FA2H: variants seen among roughly 807,000 people sequenced by gnomAD.
FA2H encodes the protein fatty acid 2-hydroxylase.
A neutral mutation model predicts 44.9 loss-of-function variants in FA2H; 22 were observed. That is an observed-to-expected ratio of 0.49 (90% CI 0.35 to 0.70). The LOEUF (loss-of-function observed/expected upper bound fraction) is 0.70, where lower values mean the gene tolerates loss of function less well. Ranked by LOEUF, FA2H falls within the 30% of genes least tolerant of loss-of-function variation. The pLI, the probability that FA2H is intolerant of heterozygous loss-of-function variation, is 0.01. For missense variants in FA2H, 501 were observed against 504.9 expected, an observed-to-expected ratio of 0.99 and a Z score of 0.07; for synonymous variants, 243 against 213.2, an observed-to-expected ratio of 1.14 and a Z score of -1.22.
intron 1 of FA2H, among the ~76,000 whole-genome samples, chr16:74,741,798 A>ATG (rs1567643120): frequency 2.5e-5 from 2 of 80,040 alleles, no homozygotes; most frequent in African/African-American, 1.1e-4. Context: ...ATATATATAT[A>ATG]TATATATATA....
In FA2H at chr16:74,740,134, A is replaced by G. The variant is rs752220888; in HGVS notation, c.271-19T>C. On this transcript the variant is annotated intron_variant, in intron 1 of 6. Coordinates refer to ENST00000219368, the MANE Select transcript of FA2H (RefSeq NM_024306.5). ...TGGAGCCCTGGAAGGAGAAGATACA[A>G]GAGGATTATACACAGTGGGTGAGGG... is the stretch of plus-strand genomic sequence containing the variant. 2.5e-6 allele frequency: 4 copies of G among 1,591,572 alleles called. No homozygotes were observed.
At chr16:74,757,548 G>A (rs913858477) in intron 1 of FA2H, among the ~76,000 whole-genome samples, 2 of 152,162 alleles carry the variant, frequency 1.3e-5, no homozygotes, top group African/African-American at 4.8e-5. Flanking sequence ...AATGCTTCTT[G>A]TGACACTGAC....
At chr16:74,753,989 G>A (rs1194160181) in intron 1 of FA2H, among the ~76,000 whole-genome samples, 2 of 152,100 alleles carry the variant, frequency 1.3e-5, no homozygotes, top group South Asian at 2.1e-4. Flanking sequence ...ATGAGTCTTC[G>A]ACATTGAACT....
intron 2 of FA2H, among the ~76,000 whole-genome samples, chr16:74,736,821 C>G (rs1174063179): frequency 6.6e-6 from 1 of 152,134 alleles, no homozygotes; most frequent in African/African-American, 2.4e-5. Context: ...TCATGGTCAG[C>G]TGTTGGGGTG....
Position 74,727,411 on chromosome 16 carries a change from C to T in FA2H, c.364-25G>A, listed in dbSNP as rs755862883. On this transcript the variant is annotated intron_variant, in intron 2 of 6. Transcript: ENST00000219368. ...CCTGCAAGAGATGAAGCCAAGTGGA[C>T]GTTTGATATTCACGTCTTCCCATAT... 4.1e-5 allele frequency: 66 copies of T among 1,613,408 alleles called. No homozygotes were observed. The Admixed American group carries it at 6.8e-4, about 17-fold the overall frequency.
intron 1 of FA2H, among the ~76,000 whole-genome samples, chr16:74,771,345 C>A (rs1250327245): frequency 6.6e-6 from 1 of 151,934 alleles, no homozygotes; most frequent in East Asian, 1.9e-4. Context: ...CATGCACCAC[C>A]ACGCCCAGCT....
At chr16:74,751,904 C>T (rs1419862622) in intron 1 of FA2H, among the ~76,000 whole-genome samples, 1 of 152,198 alleles carries the variant, frequency 6.6e-6, no homozygotes, top group Non-Finnish European at 1.5e-5. Flanking sequence ...AAAATCTCTA[C>T]TGATGTTTCC....
chr16:74,736,269 T>C (rs1409815047), intron 2 of FA2H, among the ~76,000 whole-genome samples: 1 of 152,094 alleles, frequency 6.6e-6, no homozygotes, highest in East Asian at 1.9e-4. Flanking sequence ...GGAGGCCCTT[T>C]GGATGTTGGG....
chr16:74,714,738 T>C lies in FA2H; in HGVS notation c.1040-469A>G, dbSNP rs147514428. ...ACATGGCTACTGAGCACTAGAAATG[T>C]GGCTAGAGCTCCAGAGAAACTGAAT... On this transcript the variant is annotated intron_variant, in intron 6 of 6. Coordinates refer to ENST00000219368, the MANE Select transcript of FA2H (RefSeq NM_024306.5). Among the ~76,000 whole-genome samples, 1,233 of 152,298 alleles carry C rather than the reference T, an allele frequency of 8.1e-3. 6 individuals carry two copies. The highest frequency in any genetic ancestry group is 0.014 in the Non-Finnish European group (937 of 68,028).
intron 1 of FA2H, among the ~76,000 whole-genome samples, chr16:74,753,126 A>G (rs1282142404): frequency 6.6e-6 from 1 of 152,158 alleles, no homozygotes; most frequent in East Asian, 1.9e-4. Flanking sequence ...CTCTCATATT[A>G]TCTCACTGTA....
intron 3 of FA2H, among the ~76,000 whole-genome samples, chr16:74,726,760 C>G (rs1961966940): frequency 1.3e-5 from 2 of 152,080 alleles, no homozygotes. Flanking sequence ...ATGCAGAATG[C>G]CTATGGAGAC....
chr16:74,768,393 G>A (rs1289743867), intron 1 of FA2H, among the ~76,000 whole-genome samples: 1 of 152,162 alleles, frequency 6.6e-6, no homozygotes, highest in East Asian at 1.9e-4. Flanking sequence ...CCCACCAGCT[G>A]GCCCTAGCTT....
At chr16:74,718,194 T>C (rs1961748496) in intron 5 of FA2H, among the ~76,000 whole-genome samples, 1 of 152,080 alleles carries the variant, frequency 6.6e-6, no homozygotes, top group Non-Finnish European at 1.5e-5. Context: ...GAAACCAAGG[T>C]GAAACCCACG....
At chr16:74,746,151 G>A (rs1404528327) in intron 1 of FA2H, among the ~76,000 whole-genome samples, 1 of 152,114 alleles carries the variant, frequency 6.6e-6, no homozygotes, top group Non-Finnish European at 1.5e-5. Flanking sequence ...GCAGACTACA[G>A]TGAAATAGAG....
At chr16:74,748,277 T>C (rs1962463549) in intron 1 of FA2H, among the ~76,000 whole-genome samples, 1 of 152,190 alleles carries the variant, frequency 6.6e-6, no homozygotes, top group African/African-American at 2.4e-5. Context: ...AGTGCAAACC[T>C]TGTTCTATTC....
At chr16:74,763,446 C>T (rs4888285) in intron 1 of FA2H, among the ~76,000 whole-genome samples, 65,525 of 151,880 alleles carry the variant, frequency 0.43, 14,937 homozygotes, top group Middle Eastern at 0.53. Context: ...TTAGTAGAGA[C>T]GAGGTCTCAC....
chr16:74,718,905 C>T (rs771063899), intron 5 of FA2H, 83 bp downstream of exon 5: 20 of 1,514,430 alleles, frequency 1.3e-5, no homozygotes, highest in Admixed American at 7.1e-5. Flanking sequence ...CAGGAGGCTC[C>T]GCAGCACCTG....
At chr16:74,774,432 G>A in intron 1 of FA2H, 54 bp downstream of exon 1, 1 of 1,458,176 alleles carries the variant, frequency 6.9e-7, no homozygotes, top group East Asian at 2.7e-5. Flanking sequence ...TCGCCCGGGA[G>A]TGGAAGGCTG....
chr16:74,728,343 C>A (rs922817704), intron 2 of FA2H, among the ~76,000 whole-genome samples: 5 of 152,144 alleles, frequency 3.3e-5, no homozygotes, highest in Non-Finnish European at 7.4e-5. Flanking sequence ...AGTGGAGATA[C>A]AAAGCAGGCT....
Sources: gnomAD v4.1 joint callset for allele counts (sites outside exome capture counted in the v4.1 genomes callset) on GRCh38, gnomAD v4.1.1 for gene constraint, MANE v1.5 for transcripts, NCBI Gene and HGNC (gene_info 2026-07-23, HGNC 2026-07-21) for gene names.